The following PPFIBP2 variants were observed in gnomAD, a reference collection of about 807,000 sequenced individuals.
PPFIBP2 encodes the protein PPFIB scaffold protein 2.
Under a neutral mutation model 118.3 loss-of-function variants are expected in PPFIBP2, and 118 were observed. That is an observed-to-expected ratio of 1.00 (90% confidence interval 0.86 to 1.16). PPFIBP2 has a LOEUF of 1.16. Among genes scored for constraint, PPFIBP2 ranks in the 50% most tolerant of loss-of-function variants. The pLI, the probability that PPFIBP2 is intolerant of heterozygous loss-of-function variation, is 0.00. For synonymous variants in PPFIBP2, 414 were observed against 397.4 expected (o/e 1.04, Z -0.50); for missense variants, 1,195 against 1,073.1 (o/e 1.11, Z -1.59).
At chr11:7,657,149 G>A (rs139714529), downstream of PPFIBP2, 3,334 of 216,986 alleles carry the variant, frequency 0.015, 34 homozygotes, top group Non-Finnish European at 0.021. Flanking sequence ...ACACTCGAGG[G>A]GAAGAGCTGT....
intron 22 of PPFIBP2, chr11:7,651,265 C>T (rs567778258): frequency 5.2e-5 from 17 of 329,190 alleles, no homozygotes; most frequent in South Asian, 4.1e-4. Context: ...GAGGAAGGGA[C>T]GGGGAAGCCG....
intron 1 of PPFIBP2, among the ~76,000 whole-genome samples, chr11:7,544,866 G>A (rs73409022): frequency 0.023 from 3,467 of 151,582 alleles, 148 homozygotes; most frequent in African/African-American, 0.079. Flanking sequence ...TTTGGCTTGG[G>A]TTCTGGCTCT....
chr11:7,648,538 G>T lies in PPFIBP2; in HGVS notation c.1797+1G>T. The T allele has an allele frequency of 6.2e-7, 1 of 1,613,998 alleles. No homozygotes were observed. Among genetic ancestry groups the T allele is most frequent in the South Asian group, 1.1e-5 (1 of 91,076 alleles). ...AGCCACCCCTCAGGACATGGAAAAG[G>T]TAAGGGCTCAGCTTGGGGAGAGGAG... On this transcript the variant is annotated splice_donor_variant, in intron 18 of 23. Coordinates refer to ENST00000299492, the MANE Select transcript of PPFIBP2 (RefSeq NM_003621.5). LOFTEE classifies it high-confidence loss of function.
chr11:7,597,734 TTG>T lies in PPFIBP2; in HGVS notation c.486+66_486+67del, dbSNP rs145790041. ...AAGCAGCTCATGTGCTGAAGCCCCT[TTG>T]TGTGCCCAGGCTACAGCCCTCGCTG... On this transcript the variant is annotated intron_variant, in intron 5 of 23. Transcript: ENST00000299492. The T allele has an allele frequency of 1.8e-3, 2,452 of 1,339,892 alleles. 42 individuals are homozygous for T. The African/African-American group carries it at 0.032, about 17-fold the overall frequency. The allele number at this position is 1,339,892 out of a possible 1,614,324, so 83.0% of individuals were successfully genotyped here.
chr11:7,655,641 C>T (rs1206580000), downstream of PPFIBP2: 2 of 637,800 alleles, frequency 3.1e-6, no homozygotes, highest in Non-Finnish European at 4.8e-6. Context: ...GAGCCTGAGC[C>T]AGCCACGAGG....
chr11:7,594,506 G>A (rs957881897), intron 4 of PPFIBP2, among the ~76,000 whole-genome samples: 1 of 152,270 alleles, frequency 6.6e-6, no homozygotes, highest in Non-Finnish European at 1.5e-5. Flanking sequence ...AGTGGGCCAG[G>A]TGCAGTGGCT....
Position 7,603,931 on chromosome 11 carries a change from G to T in PPFIBP2, c.486+6258G>T, listed in dbSNP as rs150809434. On this transcript the variant is annotated intron_variant, in intron 5 of 23. Transcript: ENST00000299492. The stretch of plus-strand genomic sequence containing the variant: ...TGGGAGCAGAAGCAGAATGATGCCT[G>T]TGAAGCCTTTGCCCCTTATCCTCAG... Among the ~76,000 whole-genome samples the T allele has an allele frequency of 7.9e-5, 12 of 152,282 alleles. No individual in the cohort carries two copies. The East Asian group carries it at 2.3e-3, about 29-fold the overall frequency.
intron 1 of PPFIBP2, among the ~76,000 whole-genome samples, chr11:7,527,150 T>C (rs1850304353): frequency 6.6e-6 from 1 of 151,642 alleles, no homozygotes; most frequent in African/African-American, 2.4e-5. Flanking sequence ...CCTTGGGCCA[T>C]AGAGTGAGCA....
intron 11 of PPFIBP2, among the ~76,000 whole-genome samples, chr11:7,631,595 T>TACAAATAA (rs1396352775): frequency 6.6e-6 from 1 of 152,080 alleles, no homozygotes; most frequent in Non-Finnish European, 1.5e-5. Flanking sequence ...TTAAGCTAGA[T>TACAAATAA]ACAAATAAAC....
At chr11:7,622,537 C>G (rs1849474170) in intron 7 of PPFIBP2, among the ~76,000 whole-genome samples, 1 of 152,118 alleles carries the variant, frequency 6.6e-6, no homozygotes. Context: ...AAAGAAAGCA[C>G]TGAACATATA....
chr11:7,518,627 GA>G (rs1170760058), intron 1 of PPFIBP2, among the ~76,000 whole-genome samples: 10 of 152,230 alleles, frequency 6.6e-5, no homozygotes, highest in Non-Finnish European at 1.3e-4. Context: ...TGGAAGAGGG[GA>G]TAACGTAGAG....
chr11:7,633,616 G>C (rs2135789617), intron 12 of PPFIBP2, among the ~76,000 whole-genome samples: 1 of 152,284 alleles, frequency 6.6e-6, no homozygotes, highest in Non-Finnish European at 1.5e-5. Flanking sequence ...AAACTCCCCA[G>C]AATGGTGCTG....
intron 2 of PPFIBP2, among the ~76,000 whole-genome samples, chr11:7,564,879 T>A (rs4132103): frequency 0.17 from 25,436 of 152,212 alleles, 2,154 homozygotes; most frequent in African/African-American, 0.18. Context: ...CAGAGTCACT[T>A]CCACTGCTTT....
the PPFIBP2 span, chr11:7,666,381 A>G: frequency 1.0e-6 from 1 of 980,830 alleles, no homozygotes. Context: ...ACAAAGAGAC[A>G]GAGACCAGTC....
chr11:7,584,847 T>C (rs1174897719), intron 3 of PPFIBP2, among the ~76,000 whole-genome samples: 1 of 152,210 alleles, frequency 6.6e-6, no homozygotes, highest in Non-Finnish European at 1.5e-5. Context: ...CCTTAGTAAC[T>C]TTGATATCTC....
intron 1 of PPFIBP2, among the ~76,000 whole-genome samples, chr11:7,521,821 C>T (rs547097633): frequency 1.8e-4 from 27 of 151,952 alleles, no homozygotes; most frequent in African/African-American, 3.6e-4. Context: ...GTATGGTAGA[C>T]GAGAGAAGGA....
At chr11:7,523,412 C>G (rs1849939483) in intron 1 of PPFIBP2, among the ~76,000 whole-genome samples, 1 of 152,214 alleles carries the variant, frequency 6.6e-6, no homozygotes, top group South Asian at 2.1e-4. Context: ...ACAAAGAATA[C>G]TGGGAGCCAA....
At chr11:7,641,731 C>A in intron 16 of PPFIBP2, 111 bp downstream of exon 16, 3 of 1,088,768 alleles carry the variant, frequency 2.8e-6, no homozygotes, top group Non-Finnish European at 4.0e-6. Flanking sequence ...GCAGTCAAAA[C>A]AGAGTGTTCA....
chr11:7,560,032 C>T (rs966891441), intron 2 of PPFIBP2, among the ~76,000 whole-genome samples: 2 of 152,294 alleles, frequency 1.3e-5, no homozygotes, highest in Admixed American at 6.5e-5. Flanking sequence ...AAGGTTCCCC[C>T]TTAAGCAGCA....
Sources: allele counts gnomAD v4.1 joint callset (sites outside exome capture counted in the v4.1 genomes callset), GRCh38; gene constraint gnomAD v4.1.1; transcripts MANE v1.5; gene names NCBI Gene and HGNC (gene_info 2026-07-23, HGNC 2026-07-21).